The following CASK variants were observed in gnomAD, a reference collection of about 807,000 sequenced individuals.
CASK encodes the protein calcium/calmodulin dependent serine protein kinase, also known as peripheral plasma membrane protein CASK.
Under a neutral mutation model 82.9 loss-of-function variants are expected in CASK, and 4 were observed. The ratio of observed to expected loss-of-function variants is 0.05; its 90% CI spans 0.02 to 0.11. The LOEUF (loss-of-function observed/expected upper bound fraction) is 0.11. CASK is among the 10% of genes least tolerant of loss of function. CASK has a pLI of 1.00. For synonymous variants in CASK, 259 were observed against 253.5 expected (o/e 1.02, Z -0.20); for missense variants, 358 against 720.9 (o/e 0.50, Z 5.76).
Position 41,591,760 on chromosome X carries a change from C to T in CASK, c.1156-2168G>A, listed in dbSNP as rs1038576492. Among the ~76,000 whole-genome samples the T allele has an allele frequency of 2.7e-5, 3 of 110,042 alleles. No individual in the cohort carries two copies. The Admixed American group carries it at 2.9e-4, about 11-fold the overall frequency. The stretch of plus-strand genomic sequence containing the variant: ...AAAGCGCTGGAATTACAGGCGTGAG[C>T]CACCGTGCCCAGCCAACAATACTGT... On this transcript the variant is annotated intron_variant, in intron 12 of 26. Coordinates refer to ENST00000378163, the MANE Select transcript of CASK (RefSeq NM_001367721.1).
intron 5 of CASK, among the ~76,000 whole-genome samples, chrX:41,707,549 A>G (rs2067904623): frequency 8.9e-6 from 1 of 112,730 alleles, no homozygotes; most frequent in Non-Finnish European, 1.9e-5. Context: ...ATGCAGCAAT[A>G]GATAAATGAT....
At chrX:41,611,598 G>GCTCTCC (rs1199138423) in intron 11 of CASK, among the ~76,000 whole-genome samples, 39 of 101,477 alleles carry the variant, frequency 3.8e-4, no homozygotes, top group African/African-American at 4.8e-4. Flanking sequence ...CAAGAAAGCA[G>GCTCTCC]CTCTCCCTCT....
intron 2 of CASK, among the ~76,000 whole-genome samples, chrX:41,803,032 C>A (rs972647874): frequency 3.6e-5 from 4 of 110,452 alleles, no homozygotes; most frequent in East Asian, 5.7e-4. Flanking sequence ...GCCAAAAAAA[C>A]CAAAAAAGCA....
chrX:41,770,684 C>T (rs1055194713), intron 3 of CASK, among the ~76,000 whole-genome samples: 5 of 110,237 alleles, frequency 4.5e-5, no homozygotes, highest in Non-Finnish European at 7.6e-5. Flanking sequence ...CCACCATGCC[C>T]GGCCAAAAAA....
At chrX:41,763,567 T>C (rs2069047106) in intron 3 of CASK, among the ~76,000 whole-genome samples, 2 of 110,931 alleles carry the variant, frequency 1.8e-5, no homozygotes, top group Non-Finnish European at 3.8e-5. Context: ...GAGGCTGAGG[T>C]GTGAGGACAG....
intron 11 of CASK, 98 bp from the exon 12 acceptor site, chrX:41,610,123 T>C (rs1255756599): frequency 3.8e-6 from 3 of 798,869 alleles, no homozygotes; most frequent in Non-Finnish European, 5.5e-6. Flanking sequence ...AATGAATTCA[T>C]ATCAGAACTT....
chrX:41,612,349 GC>G (rs1569339698), intron 11 of CASK, among the ~76,000 whole-genome samples: 3 of 107,020 alleles, frequency 2.8e-5, no homozygotes, highest in African/African-American at 1.0e-4. Flanking sequence ...CTGCCCAGCC[GC>G]CCCGTCTGAG....
intron 2 of CASK, among the ~76,000 whole-genome samples, chrX:41,795,618 A>T (rs2069837184): frequency 9.0e-6 from 1 of 111,274 alleles, no homozygotes; most frequent in Admixed American, 9.6e-5. Flanking sequence ...GTCAGCCAAG[A>T]TCATGCCACT....
At chrX:41,693,138 T>A (rs959809434) in intron 5 of CASK, among the ~76,000 whole-genome samples, 8 of 111,709 alleles carry the variant, frequency 7.2e-5, no homozygotes, top group Admixed American at 9.5e-5. Context: ...ACTTGAGCTC[T>A]CAAAATCACA....
At chrX:41,913,437 C>T (rs1248460237) in intron 1 of CASK, among the ~76,000 whole-genome samples, 4 of 112,012 alleles carry the variant, frequency 3.6e-5, no homozygotes, top group Non-Finnish European at 5.6e-5. Flanking sequence ...CTATTCAATC[C>T]TCACAACAAC....
intron 26 of CASK, among the ~76,000 whole-genome samples, chrX:41,521,458 A>T (rs899590602): frequency 8.9e-5 from 10 of 112,141 alleles, no homozygotes; most frequent in African/African-American, 3.2e-4. Flanking sequence ...ATGTTCCCTA[A>T]GCTGCAGCTT....
At chrX:41,734,192 T>C (rs766620693) in intron 5 of CASK, among the ~76,000 whole-genome samples, 63 of 112,123 alleles carry the variant, frequency 5.6e-4, no homozygotes, top group African/African-American at 1.8e-3. Flanking sequence ...TAGAAAGTGA[T>C]TGTGGGTAGC....
At chrX:41,655,229 T>C (rs985659761) in intron 8 of CASK, among the ~76,000 whole-genome samples, 4 of 111,232 alleles carry the variant, frequency 3.6e-5, no homozygotes, top group African/African-American at 1.3e-4. Context: ...ACCAGTAAGA[T>C]TGCTTGAGCT....
intron 4 of CASK, among the ~76,000 whole-genome samples, chrX:41,739,988 G>C (rs113915201): frequency 1.8e-5 from 2 of 112,186 alleles, no homozygotes; most frequent in Admixed American, 1.9e-4. Flanking sequence ...TTTAGTTGGG[G>C]CTCCCTTGAA....
chrX:41,775,227 C>T (rs1455651276), intron 3 of CASK, among the ~76,000 whole-genome samples: 3 of 110,096 alleles, frequency 2.7e-5, no homozygotes, highest in Non-Finnish European at 5.7e-5. Context: ...GGGCAAAGGA[C>T]ATGAACAGAC....
chrX:41,648,433 T>G, intron 8 of CASK, among the ~76,000 whole-genome samples: 1 of 111,284 alleles, frequency 9.0e-6, no homozygotes, highest in Non-Finnish European at 1.9e-5. Flanking sequence ...CTTGTAATAT[T>G]CTATTACCCT....
chrX:41,843,126 G>A (rs1397243633), intron 2 of CASK, among the ~76,000 whole-genome samples: 2 of 111,715 alleles, frequency 1.8e-5, no homozygotes, highest in Non-Finnish European at 3.8e-5. Context: ...GGCATTTTAA[G>A]TCTTCCTTTT....
At position 41,672,458 on chromosome X, in the gene CASK, G is replaced by C. The variant is rs888177253; in HGVS notation, c.430-928C>G. ...CATCTGACCGGCTCTCAAAACAGGG[G>C]CTAGTAAAAAAAGCAAGTCTCTTTA... On this transcript the variant is annotated intron_variant, in intron 5 of 26. Transcript: ENST00000378163. Among the ~76,000 whole-genome samples, 3 of 111,038 alleles carry C rather than the reference G, an allele frequency of 2.7e-5. No homozygotes were observed. In the Admixed American group the frequency reaches 2.9e-4, roughly 11 times the overall value.
chrX:41,744,370 G>T (rs1365550980), intron 4 of CASK, among the ~76,000 whole-genome samples: 1 of 106,267 alleles, frequency 9.4e-6, no homozygotes, highest in African/African-American at 3.4e-5. Flanking sequence ...TTTTGAGACG[G>T]AGTCTCGCTC....
Sources: allele counts gnomAD v4.1 joint callset (sites outside exome capture counted in the v4.1 genomes callset), GRCh38; gene constraint gnomAD v4.1.1; transcripts MANE v1.5; gene names NCBI Gene and HGNC (gene_info 2026-07-23, HGNC 2026-07-21).